The following GALNT15 variants were observed in gnomAD, a reference collection of about 807,000 sequenced individuals.
GALNT15 encodes polypeptide N-acetylgalactosaminyltransferase 15, also known as UDP-GalNAc transferase T15.
A neutral mutation model predicts 66.8 loss-of-function variants in GALNT15; 67 were observed. The observed-to-expected ratio is 1.00, with a 90% CI of 0.82 to 1.23. GALNT15 has a LOEUF of 1.23. Ranked by LOEUF, GALNT15 falls within the 50% of genes most tolerant of loss-of-function variation. The pLI is 0.00. For missense variants in GALNT15, 827 were observed against 804.3 expected (o/e 1.03, Z -0.34); for synonymous variants, 313 against 311.5 (o/e 1.00, Z -0.05).
rs139835578 is a variant in GALNT15, at chr3:16,175,051, G to A, written c.-101G>A. On this transcript the variant is annotated 5_prime_UTR_variant, in exon 1 of 10. In the 5' UTR this introduces an upstream ATG that the reference lacks. Transcript: ENST00000339732. This position sits in a 1 kb window ranked among gnomAD's most constrained non-coding sequence, Gnocchi z 5.6. Reference sequence around the variant, plus strand: ...AAGTGACTGGCAGAAAAACTTCCAGGTGGAACAAGCAACCCAGGTTCTGCT... The same window carrying A: ...AAGTGACTGGCAGAAAAACTTCCAGATGGAACAAGCAACCCAGGTTCTGCT... 9.2e-5 allele frequency: 108 copies of A among 1,173,568 alleles called. No homozygotes were observed. The highest frequency in any genetic ancestry group is 1.2e-4 in the Non-Finnish European group (102 of 830,404). 72.7% of individuals were successfully genotyped at this position (1,173,568 alleles called of 1,614,324 possible).
Position 16,227,564 on chromosome 3 carries a change from G to C in GALNT15, c.*64G>C, listed in dbSNP as rs762077914. On this transcript the variant is annotated 3_prime_UTR_variant, in exon 10 of 10. Coordinates refer to ENST00000339732, the MANE Select transcript of GALNT15 (RefSeq NM_054110.5). The surrounding 1 kb of genome is among the most constrained non-coding windows in gnomAD (Gnocchi z 4.5). ...AAATCCAGCTCCAAGTGAACTTAAAGAGCTTATATATTTCATGAAGCTGAT... is the reference window on the plus strand; with the variant it reads ...AAATCCAGCTCCAAGTGAACTTAAACAGCTTATATATTTCATGAAGCTGAT... The C allele has an allele frequency of 6.2e-7, 1 of 1,612,970 alleles. No homozygotes were observed. The highest frequency in any genetic ancestry group is 2.2e-5 in the East Asian group (1 of 44,856).
chr3:16,233,092 A>ATATTTTTTTTTTTTTTTTTTTTT, downstream of GALNT15, among the ~76,000 whole-genome samples: 1 of 48,078 alleles, frequency 2.1e-5, no homozygotes, highest in East Asian at 4.0e-4. Context: ...AGGATAATGC[A>ATATTTTTTTTTTTTTTTTTTTTT]TCTTTTTTTT....
intron 9 of GALNT15, 33 bp downstream of exon 9, chr3:16,222,791 G>C: frequency 6.2e-7 from 1 of 1,610,014 alleles, no homozygotes; most frequent in Admixed American, 1.7e-5. Flanking sequence ...GCCTGGTAGT[G>C]CTGCTGGTCA....
At position 16,208,616 on chromosome 3, in the gene GALNT15, A is replaced by G; in HGVS notation, c.1025A>G (p.Glu342Gly). ...GACTGGAAGCTGGATTTCCACTGGG[A>G]ACCTTTGCCAGAGCATGTGAGGAAG... ...VLDWKLDFHW[E>G]PLPEHVRKAL... The change falls in exon 4 of 10, where the codon GAA (glutamate) becomes GGA (glycine). Residue 342 changes from glutamate to glycine, a missense_variant. Coordinates refer to ENST00000339732, the MANE Select transcript of GALNT15 (RefSeq NM_054110.5). 1 of 1,614,098 alleles carries G rather than the reference A, an allele frequency of 6.2e-7. No homozygotes were observed. The highest frequency in any genetic ancestry group is 8.5e-7 in the Non-Finnish European group (1 of 1,180,008).
At chr3:16,247,117 T>TGC in the GALNT15 span, among the ~76,000 whole-genome samples, 1 of 151,924 alleles carries the variant, frequency 6.6e-6, no homozygotes, top group Non-Finnish European at 1.5e-5. Context: ...TGTGTGTGTG[T>TGC]GTGTGTGTGT....
At chr3:16,218,728 G>C (rs7633846) in intron 6 of GALNT15, among the ~76,000 whole-genome samples, 23,827 of 151,096 alleles carry the variant, frequency 0.16, 2,055 homozygotes, top group Admixed American at 0.23. Context: ...CTTACACCAA[G>C]CTAGGTGCAA....
In GALNT15 at chr3:16,182,162, C is replaced by T. The variant is rs932465843; in HGVS notation, c.539+6472C>T. On this transcript the variant is annotated intron_variant, in intron 1 of 9. Transcript: ENST00000339732. This position sits in a 1 kb window ranked among gnomAD's most constrained non-coding sequence, Gnocchi z 6.1. ...TGCCACTCACAGTGTGGTCCTCAGA[C>T]CTGCAGCCTCAGAAATGCAGACCCT... is the stretch of plus-strand genomic sequence containing the variant. Among the ~76,000 whole-genome samples, 3 of 152,112 alleles carry T rather than the reference C, an allele frequency of 2.0e-5. No individual in the cohort carries two copies. The highest frequency in any genetic ancestry group is 2.0e-4 in the Admixed American group (3 of 15,274).
chr3:16,227,978 A>T lies in GALNT15; in HGVS notation c.*478A>T. The T allele has an allele frequency of 1.0e-6, 1 of 993,424 alleles. No homozygotes were observed. The highest frequency in any genetic ancestry group is 1.2e-6 in the Non-Finnish European group (1 of 835,450). The allele number at this position is 993,424 out of a possible 1,614,324, so 61.5% of individuals were successfully genotyped here. ...ATTCCAAAAACTCTGAATTGGGTTTATTAGCACAAATGTTGTGTTCATTTG... is the reference window on the plus strand; with the variant it reads ...ATTCCAAAAACTCTGAATTGGGTTTTTTAGCACAAATGTTGTGTTCATTTG... On this transcript the variant is annotated 3_prime_UTR_variant, in exon 10 of 10. Transcript: ENST00000339732. The surrounding 1 kb of genome is among the most constrained non-coding windows in gnomAD (Gnocchi z 4.5).
chr3:16,234,865 C>G (rs539221184), downstream of GALNT15, among the ~76,000 whole-genome samples: 104 of 151,726 alleles, frequency 6.9e-4, no homozygotes, highest in African/African-American at 2.1e-3. Context: ...TTCTAGGCAG[C>G]TGTGCCCAAA....
At chr3:16,202,880 A>C (rs1396759308) in intron 3 of GALNT15, among the ~76,000 whole-genome samples, 2 of 152,250 alleles carry the variant, frequency 1.3e-5, no homozygotes, top group Non-Finnish European at 2.9e-5. Flanking sequence ...AAAGTAAAAA[A>C]GACCCCTCAG....
intron 2 of GALNT15, among the ~76,000 whole-genome samples, chr3:16,196,158 GC>G (rs2063634004): frequency 6.6e-6 from 1 of 152,170 alleles, no homozygotes; most frequent in Non-Finnish European, 1.5e-5. Context: ...AGGGGAAACA[GC>G]CCTGGGGAGG....
chr3:16,233,448 CT>C (rs1322579628), downstream of GALNT15, among the ~76,000 whole-genome samples: 1 of 152,102 alleles, frequency 6.6e-6, no homozygotes, highest in African/African-American at 2.4e-5. Context: ...TCATTTTCTT[CT>C]TTTCCCTCAG....
In GALNT15 at chr3:16,200,510, C is replaced by G. The variant is rs576634372; in HGVS notation, c.707-109C>G. ...AGTAATGTTTTCGGTTCTTAGGACC[C>G]AGGTGCTCACCACAGCTTCCAAAAG... On this transcript the variant is annotated intron_variant, in intron 2 of 9. Transcript: ENST00000339732. This position sits in a 1 kb window ranked among gnomAD's most constrained non-coding sequence, Gnocchi z 4.4. The G allele has an allele frequency of 9.9e-6, 8 of 808,030 alleles. No homozygotes were observed. Among genetic ancestry groups the G allele is most frequent in the Non-Finnish European group, 1.5e-5 (8 of 544,236 alleles). The allele number at this position is 808,030 out of a possible 1,614,324, so 50.1% of individuals were successfully genotyped here.
Position 16,208,500 on chromosome 3 carries a change from C to T in GALNT15, c.912-3C>T, listed in dbSNP as rs747808637. 6 of 1,613,516 alleles carry T rather than the reference C, an allele frequency of 3.7e-6. No individual in the cohort carries two copies. The highest frequency in any genetic ancestry group is 1.7e-5 in the Admixed American group (1 of 59,998). On this transcript the variant is annotated splice_polypyrimidine_tract_variant and splice_region_variant and intron_variant, in intron 3 of 9. Coordinates refer to ENST00000339732, the MANE Select transcript of GALNT15 (RefSeq NM_054110.5). Reference sequence around the variant, plus strand: ...CCTTGTTTAATTCCACAATTCTTTCCAGGAGCCGAGTGGTATCTCCGGTGA... The same window carrying T: ...CCTTGTTTAATTCCACAATTCTTTCTAGGAGCCGAGTGGTATCTCCGGTGA...
chr3:16,195,680 C>T lies in GALNT15; in HGVS notation c.540-80C>T. ...ATAATGGGGGCAGCTCCAGCCAGAGCAAAGGAAGCGAGTTAGAGGGTGTGG... is the reference window on the plus strand; with the variant it reads ...ATAATGGGGGCAGCTCCAGCCAGAGTAAAGGAAGCGAGTTAGAGGGTGTGG... On this transcript the variant is annotated intron_variant, in intron 1 of 9. Coordinates refer to ENST00000339732, the MANE Select transcript of GALNT15 (RefSeq NM_054110.5). The surrounding 1 kb of genome is among the most constrained non-coding windows in gnomAD (Gnocchi z 4.6). 7.5e-7 allele frequency: 1 copy of T among 1,333,234 alleles called. No individual in the cohort carries two copies. Among genetic ancestry groups the T allele is most frequent in the Non-Finnish European group, 1.0e-6 (1 of 961,260 alleles). The allele number at this position is 1,333,234 out of a possible 1,614,324, so 82.6% of individuals were successfully genotyped here.
Position 16,200,803 on chromosome 3 carries a change from C to T in GALNT15, c.891C>T (p.Leu297=), listed in dbSNP as rs929791127. Residue 297 remains leucine (L), a synonymous_variant, in exon 3 of 10, where the codon CTC becomes CTT. Coordinates refer to ENST00000339732, the MANE Select transcript of GALNT15 (RefSeq NM_054110.5). The surrounding 1 kb of genome is among the most constrained non-coding windows in gnomAD (Gnocchi z 4.4). Reference sequence around the variant, plus strand: ...ACCCAGGCTGGCTGGAGCCCCTCCTCAGCAGAATAGCTGGTGACAGGTAAC... The same window carrying T: ...ACCCAGGCTGGCTGGAGCCCCTCCTTAGCAGAATAGCTGGTGACAGGTAAC... ...ECHPGWLEPL[L]SRIAGDRSRV... The T allele has an allele frequency of 2.5e-6, 4 of 1,608,918 alleles. No homozygotes were observed. Among genetic ancestry groups the T allele is most frequent in the Non-Finnish European group, 3.4e-6 (4 of 1,178,202 alleles).
At chr3:16,201,272 C>G (rs979522123) in intron 3 of GALNT15, among the ~76,000 whole-genome samples, 1 of 152,104 alleles carries the variant, frequency 6.6e-6, no homozygotes, top group Non-Finnish European at 1.5e-5. Context: ...AGCTGCGCCT[C>G]CCGGGTTCAC....
chr3:16,192,347 G>A (rs2063588153), intron 1 of GALNT15, among the ~76,000 whole-genome samples: 1 of 152,202 alleles, frequency 6.6e-6, no homozygotes, highest in Non-Finnish European at 1.5e-5. Flanking sequence ...GACTGACTTT[G>A]GTAAACTATT....
At position 16,204,333 on chromosome 3, in the gene GALNT15, C is replaced by G. The variant is rs1008353495; in HGVS notation, c.911+3510C>G. On this transcript the variant is annotated intron_variant, in intron 3 of 9. Coordinates refer to ENST00000339732, the MANE Select transcript of GALNT15 (RefSeq NM_054110.5). The surrounding 1 kb of genome is among the most constrained non-coding windows in gnomAD (Gnocchi z 4.5). Reference sequence around the variant, plus strand: ...TTTATTAGAATAAGACATCTTAATGCCAACTGTCAGCAAGTTGTTGAAATA... The same window carrying G: ...TTTATTAGAATAAGACATCTTAATGGCAACTGTCAGCAAGTTGTTGAAATA... 3.9e-5 allele frequency among the ~76,000 whole-genome samples: 6 copies of G among 152,272 alleles called. No individual in the cohort carries two copies. Among genetic ancestry groups the G allele is most frequent in the Non-Finnish European group, 7.4e-5 (5 of 68,018 alleles).
Sources: gnomAD v4.1 joint callset for allele counts (sites outside exome capture counted in the v4.1 genomes callset) on GRCh38, gnomAD v4.1.1 for gene constraint, Gnocchi (gnomAD v3.1) non-coding constraint, MANE v1.5 for transcripts, NCBI Gene and HGNC (gene_info 2026-07-23, HGNC 2026-07-21) for gene names.